Variants in SPRED1 observed in about 807,000 individuals in gnomAD.
SPRED1 encodes sprouty related EVH1 domain containing 1, also known as sprouty-related, EVH1 domain-containing protein 1.
A neutral mutation model predicts 52.3 loss-of-function variants in SPRED1; 18 were observed. The observed-to-expected ratio is 0.34, with a 90% CI of 0.24 to 0.51. The LOEUF (loss-of-function observed/expected upper bound fraction) is 0.51. Ranked by LOEUF, SPRED1 falls within the 20% of genes least tolerant of loss-of-function variation. The pLI is 0.97. For missense variants in SPRED1, 485 were observed against 551.0 expected, an observed-to-expected ratio of 0.88 and a Z score of 1.20; for synonymous variants, 155 against 179.7, an observed-to-expected ratio of 0.86 and a Z score of 1.10.
At chr15:38,286,035 G>C (rs1259573278) in intron 1 of SPRED1, among the ~76,000 whole-genome samples, 1 of 152,036 alleles carries the variant, frequency 6.6e-6, no homozygotes, top group African/African-American at 2.4e-5. Context: ...CTTGAGGCCA[G>C]GAGTTCAAGG....
chr15:38,342,984 A>G (rs965261778), intron 5 of SPRED1, among the ~76,000 whole-genome samples: 4 of 152,190 alleles, frequency 2.6e-5, no homozygotes, highest in South Asian at 2.1e-4. Context: ...TTTTAAAACT[A>G]TTAGCGGTAG....
intron 4 of SPRED1, among the ~76,000 whole-genome samples, chr15:38,338,325 A>G (rs1290594675): frequency 5.5e-5 from 6 of 109,292 alleles, no homozygotes; most frequent in East Asian, 2.9e-4. Flanking sequence ...CCAGTATTCT[A>G]TTCAGTTTGC....
chr15:38,326,663 T>C (rs546063372), intron 4 of SPRED1, among the ~76,000 whole-genome samples: 105 of 152,296 alleles, frequency 6.9e-4, no homozygotes, highest in African/African-American at 2.4e-3. Context: ...TTTTATCTAA[T>C]GGAGTGGACC....
Position 38,351,269 on chromosome 15 carries a change from C to A in SPRED1, c.940C>A (p.Gln314Lys). The A allele has an allele frequency of 6.2e-7, 1 of 1,614,082 alleles. No homozygotes were observed. Among genetic ancestry groups the A allele is most frequent in the Non-Finnish European group, 8.5e-7 (1 of 1,180,012 alleles). The part of the protein sequence containing the change: ...SPKDSVVFKT[Q>K]PSSLKIKKSK... ...CAAAGACTCTGTGGTATTTAAGACGCAGCCTTCCTCATTAAAAATTAAGAA... is the reference window on the plus strand; with the variant it reads ...CAAAGACTCTGTGGTATTTAAGACGAAGCCTTCCTCATTAAAAATTAAGAA... Residue 314 changes from glutamine (Q) to lysine (K), a missense_variant, in exon 7 of 7, where the codon CAG becomes AAG. Around this residue, in one of 5 missense-constraint regions of SPRED1, gnomAD observed 205 missense variants for 245.2 expected, o/e 0.84. Coordinates refer to ENST00000299084, the MANE Select transcript of SPRED1 (RefSeq NM_152594.3).
At chr15:38,287,807 A>G (rs1302779536) in intron 1 of SPRED1, among the ~76,000 whole-genome samples, 2 of 152,246 alleles carry the variant, frequency 1.3e-5, no homozygotes, top group East Asian at 1.9e-4. Context: ...TTGAGCGTCA[A>G]GGATTTTGAT....
intron 2 of SPRED1, among the ~76,000 whole-genome samples, chr15:38,321,842 G>A (rs533353837): frequency 6.6e-6 from 1 of 152,014 alleles, no homozygotes; most frequent in Non-Finnish European, 1.5e-5. Context: ...TGATCCGCCC[G>A]CCTCGGCCTC....
At chr15:38,349,579 A>G in intron 6 of SPRED1, 56 bp downstream of exon 6, 1 of 184,714 alleles carries the variant, frequency 5.4e-6, no homozygotes, top group Non-Finnish European at 1.0e-5. Flanking sequence ...ATAGATAGGT[A>G]AAGTTTTCCA....
At chr15:38,297,314 G>T (rs1372246174) in intron 1 of SPRED1, among the ~76,000 whole-genome samples, 1 of 152,202 alleles carries the variant, frequency 6.6e-6, no homozygotes, top group African/African-American at 2.4e-5. Context: ...CATCTTACAA[G>T]ATTCTCTTAA....
chr15:38,282,858 T>C (rs1658225980), intron 1 of SPRED1, among the ~76,000 whole-genome samples: 1 of 152,190 alleles, frequency 6.6e-6, no homozygotes, highest in Non-Finnish European at 1.5e-5. Flanking sequence ...AGTCCCTCGC[T>C]GTCATGCGTT....
chr15:38,326,889 T>TA (rs1895717711), intron 4 of SPRED1, among the ~76,000 whole-genome samples: 1 of 152,180 alleles, frequency 6.6e-6, no homozygotes. Context: ...TGAAAAATTA[T>TA]TCCCAGGTCC....
chr15:38,350,976 A>G (rs1335711518), intron 6 of SPRED1, 38 bp from the exon 7 acceptor site: 4 of 1,591,480 alleles, frequency 2.5e-6, no homozygotes, highest in Admixed American at 3.4e-5. Context: ...ATTAACCATC[A>G]TAGCCCTCAT....
chr15:38,349,091 G>A (rs934432678), intron 5 of SPRED1, among the ~76,000 whole-genome samples: 1 of 151,984 alleles, frequency 6.6e-6, no homozygotes, highest in Non-Finnish European at 1.5e-5. Flanking sequence ...TGTGACATGT[G>A]TAACTACTTT....
chr15:38,347,658 T>C (rs1896170365), intron 5 of SPRED1, among the ~76,000 whole-genome samples: 1 of 152,044 alleles, frequency 6.6e-6, no homozygotes, highest in Non-Finnish European at 1.5e-5. Flanking sequence ...TTCTTCTGTA[T>C]CTTTACATAA....
At chr15:38,256,136 ATAAAT>A (rs1330733707) in intron 1 of SPRED1, among the ~76,000 whole-genome samples, 2 of 152,178 alleles carry the variant, frequency 1.3e-5, no homozygotes, top group Admixed American at 6.5e-5. Flanking sequence ...TAAGGAAGAA[ATAAAT>A]TAGAATAAAG....
At chr15:38,262,588 G>C (rs1894228135) in intron 1 of SPRED1, among the ~76,000 whole-genome samples, 1 of 152,184 alleles carries the variant, frequency 6.6e-6, no homozygotes. Flanking sequence ...GAGTTGTTAA[G>C]GAAAGTGTTG....
intron 2 of SPRED1, among the ~76,000 whole-genome samples, chr15:38,308,779 G>A (rs1487194838): frequency 6.6e-6 from 1 of 152,178 alleles, no homozygotes; most frequent in East Asian, 1.9e-4. Flanking sequence ...ACGTTGCTGT[G>A]AACATTCACA....
intron 4 of SPRED1, among the ~76,000 whole-genome samples, chr15:38,334,213 A>G (rs974093569): frequency 6.6e-6 from 1 of 152,106 alleles, no homozygotes; most frequent in Admixed American, 6.6e-5. Flanking sequence ...ATCTATAACT[A>G]AATATTGTTC....
chr15:38,319,212 T>C (rs1358634723), intron 2 of SPRED1, among the ~76,000 whole-genome samples: 1 of 152,214 alleles, frequency 6.6e-6, no homozygotes, highest in East Asian at 1.9e-4. Context: ...GAATATAGTA[T>C]AAATGTTGCA....
chr15:38,269,556 A>G (rs939471018), intron 1 of SPRED1, among the ~76,000 whole-genome samples: 3 of 152,038 alleles, frequency 2.0e-5, no homozygotes, highest in African/African-American at 7.2e-5. Flanking sequence ...CCTTACTACT[A>G]GCATTTAATT....
Sources: gnomAD v4.1 joint callset for allele counts (sites outside exome capture counted in the v4.1 genomes callset) on GRCh38, gnomAD v4.1.1 for gene constraint, gnomAD v4.1.1 regional missense constraint, MANE v1.5 for transcripts, NCBI Gene and HGNC (gene_info 2026-07-23, HGNC 2026-07-21) for gene names.